TBXAS1: variants seen among roughly 807,000 people sequenced by gnomAD.
TBXAS1 encodes the protein thromboxane-A synthase.
In TBXAS1, 48 loss-of-function variants were observed where a neutral mutation model predicts 60.7. The observed-to-expected ratio is 0.79, with a 90% CI of 0.63 to 1.01. TBXAS1 has a LOEUF of 1.01. TBXAS1 is among the 50% of genes least tolerant of loss of function. The pLI, the probability that TBXAS1 is intolerant of heterozygous loss-of-function variation, is 0.00. For missense variants in TBXAS1, 685 were observed against 686.3 expected, an observed-to-expected ratio of 1.00 and a Z score of 0.02; for synonymous variants, 287 against 269.7, an observed-to-expected ratio of 1.06 and a Z score of -0.63.
chr7:139,973,798 A>C (rs1476351060), intron 9 of TBXAS1, among the ~76,000 whole-genome samples: 2 of 152,000 alleles, frequency 1.3e-5, no homozygotes, highest in Non-Finnish European at 2.9e-5. Flanking sequence ...CACTCACTTA[A>C]TTTGATTTTT....
At chr7:139,824,830 T>TTTTTTC (rs1798395364), upstream of TBXAS1, among the ~76,000 whole-genome samples, 5 of 128,364 alleles carry the variant, frequency 3.9e-5, no homozygotes, top group Admixed American at 8.0e-5. Flanking sequence ...TTTCCTTTTC[T>TTTTTTC]TTTTTTTTTT....
intron 5 of TBXAS1, among the ~76,000 whole-genome samples, chr7:139,946,799 G>A (rs1808759944): frequency 6.6e-6 from 1 of 152,162 alleles, no homozygotes; most frequent in African/African-American, 2.4e-5. Context: ...TTTTGCAGAT[G>A]AGGAACTAGA....
At chr7:139,958,575 C>G (rs1810060436) in intron 8 of TBXAS1, among the ~76,000 whole-genome samples, 1 of 152,216 alleles carries the variant, frequency 6.6e-6, no homozygotes, top group African/African-American at 2.4e-5. Flanking sequence ...AAAGGGTTGT[C>G]TCAAAGACTG....
At chr7:139,875,799 C>A in intron 3 of TBXAS1, 162 bp downstream of exon 3, 1 of 925,636 alleles carries the variant, frequency 1.1e-6, no homozygotes, top group Non-Finnish European at 1.7e-6. Flanking sequence ...TCCTGCAGTA[C>A]AGACAAGGCT....
rs188886217 is a variant in TBXAS1, at chr7:139,973,299, C to T, written c.1134+11066C>T. Among the ~76,000 whole-genome samples the T allele has an allele frequency of 1.8e-4, 27 of 152,310 alleles. No individual in the cohort carries two copies. In the East Asian group the frequency reaches 5.0e-3, roughly 28 times the overall value. On this transcript the variant is annotated intron_variant, in intron 9 of 12. Transcript: ENST00000448866. ...TGCTATGGTCCGCCTCCTCTGTCAG[C>T]TCATGGTATTTGAGCACCTACTAAA... is the stretch of plus-strand genomic sequence containing the variant.
intron 11 of TBXAS1, among the ~76,000 whole-genome samples, chr7:140,016,220 T>A (rs995556008): frequency 6.6e-6 from 1 of 151,780 alleles, no homozygotes; most frequent in Non-Finnish European, 1.5e-5. Flanking sequence ...CCCAGCTACT[T>A]GGGAGGCTGA....
In TBXAS1 at chr7:139,999,914, C is replaced by T. The variant is rs939829196; in HGVS notation, c.1135-7177C>T. On this transcript the variant is annotated intron_variant, in intron 9 of 12. Transcript: ENST00000448866. This position sits in a 1 kb window ranked among gnomAD's most constrained non-coding sequence, Gnocchi z 4.3. The stretch of plus-strand genomic sequence containing the variant: ...AAAATGATAATTTTTCTATTAGGTC[C>T]GTGAATCTCCAGGAAAAATCTTTGT... Among the ~76,000 whole-genome samples, 3 of 152,088 alleles carry T rather than the reference C, an allele frequency of 2.0e-5. No homozygotes were observed. The highest frequency in any genetic ancestry group is 2.9e-5 in the Non-Finnish European group (2 of 68,016).
At chr7:139,940,097 G>C (rs948563600) in intron 5 of TBXAS1, among the ~76,000 whole-genome samples, 2 of 152,154 alleles carry the variant, frequency 1.3e-5, no homozygotes, top group Non-Finnish European at 2.9e-5. Context: ...TGAACTGTAC[G>C]TTAGCAAGCT....
intron 4 of TBXAS1, among the ~76,000 whole-genome samples, chr7:139,924,661 T>G (rs138792788): frequency 0.012 from 1,769 of 152,326 alleles, 39 homozygotes; most frequent in African/African-American, 0.041. Flanking sequence ...TTTAACTTGA[T>G]GCAATCTCAA....
intron 10 of TBXAS1, 141 bp downstream of exon 10, chr7:140,007,323 T>TC (rs1223497878): frequency 2.7e-6 from 2 of 745,420 alleles, no homozygotes; most frequent in African/African-American, 3.5e-5. Context: ...TTCCTTTGTA[T>TC]CCCCATGGCA....
At chr7:139,819,694 G>T (rs1050199182) in intron 4 of TBXAS1, among the ~76,000 whole-genome samples, 5 of 151,996 alleles carry the variant, frequency 3.3e-5, no homozygotes, top group African/African-American at 1.2e-4. Flanking sequence ...GTAGAGATGG[G>T]TTTTCACCAT....
intron 1 of TBXAS1, among the ~76,000 whole-genome samples, chr7:139,848,918 C>T (rs998654596): frequency 6.6e-6 from 1 of 152,128 alleles, no homozygotes; most frequent in East Asian, 1.9e-4. Context: ...CAAGATTACA[C>T]AGCTGGATTC....
At chr7:139,815,701 A>G (rs1798129129) in intron 4 of TBXAS1, among the ~76,000 whole-genome samples, 1 of 152,152 alleles carries the variant, frequency 6.6e-6, no homozygotes, top group Admixed American at 6.5e-5. Context: ...ATTGACTCCA[A>G]ATAGTTGGGT....
intron 2 of TBXAS1, among the ~76,000 whole-genome samples, chr7:139,781,837 C>CAAAAAAAAAAAAA (rs200999267): frequency 1.5e-5 from 1 of 67,314 alleles, no homozygotes; most frequent in African/African-American, 6.4e-5. Context: ...AATTCCATCT[C>CAAAAAAAAAAAAA]AAAAAAAAAA....
At chr7:139,897,647 A>G (rs1457594057) in intron 3 of TBXAS1, among the ~76,000 whole-genome samples, 1 of 152,172 alleles carries the variant, frequency 6.6e-6, no homozygotes, top group East Asian at 1.9e-4. Context: ...GAAAAGGGCA[A>G]AAGAAAGTTG....
chr7:139,877,086 G>A (rs188386109), intron 3 of TBXAS1, among the ~76,000 whole-genome samples: 4 of 152,284 alleles, frequency 2.6e-5, no homozygotes, highest in East Asian at 1.9e-4. Flanking sequence ...CAAGTCACAC[G>A]GCTAAACCCA....
At chr7:139,885,409 T>C (rs1030020367) in intron 3 of TBXAS1, among the ~76,000 whole-genome samples, 1 of 152,222 alleles carries the variant, frequency 6.6e-6, no homozygotes, top group Non-Finnish European at 1.5e-5. Context: ...CCAAAATGCA[T>C]AATAGAGTAT....
At chr7:139,785,423 C>T (rs558903383) in intron 3 of TBXAS1, among the ~76,000 whole-genome samples, 3 of 152,238 alleles carry the variant, frequency 2.0e-5, no homozygotes, top group Admixed American at 6.5e-5. Flanking sequence ...CCTCCTAGTC[C>T]TTCAGCTCCA....
intron 4 of TBXAS1, among the ~76,000 whole-genome samples, chr7:139,815,277 T>A (rs1798117423): frequency 6.6e-6 from 1 of 152,210 alleles, no homozygotes; most frequent in African/African-American, 2.4e-5. Context: ...CAGGGTGCTC[T>A]GCAAAGCAGC....
Sources: gnomAD v4.1 joint callset for allele counts (sites outside exome capture counted in the v4.1 genomes callset) on GRCh38, gnomAD v4.1.1 for gene constraint, Gnocchi (gnomAD v3.1) non-coding constraint, MANE v1.5 for transcripts, NCBI Gene and HGNC (gene_info 2026-07-23, HGNC 2026-07-21) for gene names.